Variants in JAKMIP2 observed in about 807,000 individuals in gnomAD.
JAKMIP2 encodes janus kinase and microtubule interacting protein 2, also known as janus kinase and microtubule-interacting protein 2.
In JAKMIP2, 25 loss-of-function variants were observed where a neutral mutation model predicts 115.0. That is an observed-to-expected ratio of 0.22 (90% CI 0.16 to 0.30). The LOEUF (loss-of-function observed/expected upper bound fraction) is 0.30, where lower values mean the gene tolerates loss of function less well. JAKMIP2 is among the 10% of genes least tolerant of loss of function. JAKMIP2 has a pLI of 1.00. For synonymous variants in JAKMIP2, 334 were observed against 343.6 expected (o/e 0.97, Z 0.31); for missense variants, 642 against 957.6 (o/e 0.67, Z 4.35).
intron 19 of JAKMIP2, among the ~76,000 whole-genome samples, chr5:147,615,020 C>T (rs753757414): frequency 6.6e-6 from 1 of 152,168 alleles, no homozygotes; most frequent in Non-Finnish European, 1.5e-5. Context: ...ACATTGTATA[C>T]GTTTCTGCAT....
At chr5:147,674,986 A>T (rs1161313063) in intron 1 of JAKMIP2, among the ~76,000 whole-genome samples, 1 of 152,220 alleles carries the variant, frequency 6.6e-6, no homozygotes, top group Non-Finnish European at 1.5e-5. Flanking sequence ...TGACACATGG[A>T]GTCACTGATG....
rs188723514 is a variant in JAKMIP2, at chr5:147,644,933, C to T, written c.1000G>A (p.Ala334Thr). 1 of 1,613,566 alleles carries T rather than the reference C, an allele frequency of 6.2e-7. No homozygotes were observed. Residue 334 changes from alanine (A) to threonine (T), a missense_variant, in exon 6 of 22, where the codon GCC becomes ACC. Around this residue, in one of 6 missense-constraint regions of JAKMIP2, gnomAD observed 439 missense variants for 570.9 expected, o/e 0.77. Transcript: ENST00000616793. ...KPLLERNKCL[A>T]KRNDELMVSL... ...ACCATCAGTTCATCGTTTCTCTTGGCGAGGCACTTGTTCCTTTCCAGGAGA... is the reference window on the plus strand; with the variant it reads ...ACCATCAGTTCATCGTTTCTCTTGGTGAGGCACTTGTTCCTTTCCAGGAGA...
At chr5:147,627,164 T>C (rs190440263) in intron 16 of JAKMIP2, among the ~76,000 whole-genome samples, 30 of 152,252 alleles carry the variant, frequency 2.0e-4, no homozygotes, top group Non-Finnish European at 3.2e-4. Flanking sequence ...TGGGGCCATA[T>C]GACAAATGCA....
At chr5:147,698,670 C>T (rs1285935735) in intron 1 of JAKMIP2, among the ~76,000 whole-genome samples, 1 of 152,188 alleles carries the variant, frequency 6.6e-6, no homozygotes, top group Admixed American at 6.5e-5. Flanking sequence ...ACACTTCTCT[C>T]TCCTGCTGCC....
chr5:147,764,279 A>G (rs1003366712), intron 1 of JAKMIP2, among the ~76,000 whole-genome samples: 1 of 152,072 alleles, frequency 6.6e-6, no homozygotes, highest in South Asian at 2.1e-4. Flanking sequence ...CGATGTTCCA[A>G]TGAGAACATG....
chr5:147,750,561 T>TACAC (rs151015424), intron 1 of JAKMIP2, among the ~76,000 whole-genome samples: 4,374 of 142,860 alleles, frequency 0.031, 62 homozygotes, highest in South Asian at 0.063. Context: ...TGCCAGAAAA[T>TACAC]ACACACACAC....
chr5:147,586,949 A>G lies in JAKMIP2; in HGVS notation c.*4758T>C, dbSNP rs887560431. 3 of 152,148 alleles carry G rather than the reference A, an allele frequency of 2.0e-5. No individual in the cohort carries two copies. The highest frequency in any genetic ancestry group is 4.4e-5 in the Non-Finnish European group (3 of 68,038). The allele number at this position is 152,148 out of a possible 1,614,324, so 9.4% of individuals were successfully genotyped here. ...ACTAAACCGCCAAACTAATGACAGC[A>G]AAGGATTGTGAATCTGCCCTGCCCC... On this transcript the variant is annotated 3_prime_UTR_variant, in exon 22 of 22. Transcript: ENST00000616793.
At chr5:147,780,907 T>C (rs1327371702) in intron 1 of JAKMIP2, among the ~76,000 whole-genome samples, 1 of 152,212 alleles carries the variant, frequency 6.6e-6, no homozygotes, top group Non-Finnish European at 1.5e-5. Flanking sequence ...TAATAGCCCA[T>C]GTGGTAAATG....
At chr5:147,718,752 G>A (rs1252346323) in intron 1 of JAKMIP2, among the ~76,000 whole-genome samples, 1 of 151,852 alleles carries the variant, frequency 6.6e-6, no homozygotes, top group Non-Finnish European at 1.5e-5. Context: ...TTCTTTATTA[G>A]TCTTGCTAGC....
At position 147,589,272 on chromosome 5, in the gene JAKMIP2, C is replaced by T. The variant is rs1056418922; in HGVS notation, c.*2435G>A. ...GACCAGCCTGACCAGCATAGTGAAA[C>T]CCTGTCTCTACTAAAAATACAAAAA... On this transcript the variant is annotated 3_prime_UTR_variant, in exon 22 of 22. Coordinates refer to ENST00000616793, the MANE Select transcript of JAKMIP2 (RefSeq NM_001270941.2). 6.6e-6 allele frequency: 1 copy of T among 152,086 alleles called. No homozygotes were observed. Among genetic ancestry groups the T allele is most frequent in the African/African-American group, 2.4e-5 (1 of 41,374 alleles). 9.4% of individuals were successfully genotyped at this position (152,086 alleles called of 1,614,324 possible).
intron 1 of JAKMIP2, among the ~76,000 whole-genome samples, chr5:147,677,240 C>A (rs954712092): frequency 6.6e-6 from 1 of 152,168 alleles, no homozygotes; most frequent in African/African-American, 2.4e-5. Flanking sequence ...CAGCTCACGA[C>A]GCAAGAACTA....
chr5:147,611,046 G>A (rs1433796685), intron 20 of JAKMIP2, among the ~76,000 whole-genome samples: 2 of 152,094 alleles, frequency 1.3e-5, no homozygotes, highest in East Asian at 3.9e-4. Flanking sequence ...ACCAAGATCG[G>A]GCACCCCAGG....
At chr5:147,708,206 A>C (rs903816607) in intron 1 of JAKMIP2, among the ~76,000 whole-genome samples, 1 of 152,204 alleles carries the variant, frequency 6.6e-6, no homozygotes, top group Admixed American at 6.5e-5. Context: ...CAAAAAATGA[A>C]AAACAAAATC....
chr5:147,605,226 T>G (rs1755941902), intron 20 of JAKMIP2, among the ~76,000 whole-genome samples: 1 of 55,392 alleles, frequency 1.8e-5, no homozygotes, highest in African/African-American at 5.7e-5. Flanking sequence ...TTTTTTTTTT[T>G]TGAGACGGAG....
chr5:147,591,407 A>G lies in JAKMIP2; in HGVS notation c.*300T>C, dbSNP rs80169461. 954 of 426,432 alleles carry G rather than the reference A, an allele frequency of 2.2e-3. 12 individuals carry two copies. The highest frequency in any genetic ancestry group is 0.019 in the African/African-American group (891 of 47,620). The allele number at this position is 426,432 out of a possible 1,614,324, so 26.4% of individuals were successfully genotyped here. On this transcript the variant is annotated 3_prime_UTR_variant, in exon 22 of 22. Coordinates refer to ENST00000616793, the MANE Select transcript of JAKMIP2 (RefSeq NM_001270941.2). ...CTGCAGAAACTAGTTCCATTGCTGA[A>G]CTTTTTCTTTACACAATATATGTTT...
intron 1 of JAKMIP2, among the ~76,000 whole-genome samples, chr5:147,686,206 C>T (rs944638763): frequency 2.6e-5 from 4 of 152,154 alleles, no homozygotes; most frequent in African/African-American, 9.7e-5. Context: ...CGCTGCAAAA[C>T]CTGACTTAAT....
chr5:147,740,574 T>C (rs1157424387), intron 1 of JAKMIP2, among the ~76,000 whole-genome samples: 1 of 152,208 alleles, frequency 6.6e-6, no homozygotes, highest in Non-Finnish European at 1.5e-5. Flanking sequence ...CTCAGCACAC[T>C]TGAATTTCCA....
intron 1 of JAKMIP2, among the ~76,000 whole-genome samples, chr5:147,675,020 T>C (rs943114409): frequency 3.3e-5 from 5 of 152,196 alleles, no homozygotes. Flanking sequence ...TTTTTAAACG[T>C]TACTATTGTT....
intron 4 of JAKMIP2, among the ~76,000 whole-genome samples, chr5:147,650,075 G>A (rs1188431952): frequency 6.6e-6 from 1 of 152,140 alleles, no homozygotes; most frequent in Non-Finnish European, 1.5e-5. Flanking sequence ...ATAGACTTAA[G>A]TTTGGATAGG....
Sources: allele counts gnomAD v4.1 joint callset (sites outside exome capture counted in the v4.1 genomes callset), GRCh38; gene constraint gnomAD v4.1.1; regional missense constraint gnomAD v4.1.1; transcripts MANE v1.5; gene names NCBI Gene and HGNC (gene_info 2026-07-23, HGNC 2026-07-21).